The following KLHL14 variants were observed in gnomAD, a reference collection of about 807,000 sequenced individuals.
KLHL14 encodes kelch like family member 14, also known as kelch-like protein 14.
Under a neutral mutation model 64.3 loss-of-function variants are expected in KLHL14, and 22 were observed. The observed-to-expected ratio is 0.34, with a 90% CI of 0.24 to 0.49. The LOEUF is 0.49. Among genes scored for constraint, KLHL14 ranks in the 20% least tolerant of loss-of-function variants. The pLI is 0.99. For missense variants in KLHL14, 661 were observed against 789.0 expected, an observed-to-expected ratio of 0.84 and a Z score of 1.94; for synonymous variants, 322 against 333.4, an observed-to-expected ratio of 0.97 and a Z score of 0.37.
chr18:32,752,402 A>G (rs997922675), intron 2 of KLHL14, among the ~76,000 whole-genome samples: 9 of 152,216 alleles, frequency 5.9e-5, no homozygotes, highest in Admixed American at 5.9e-4. Context: ...AAGGACATTC[A>G]TATCAACCAA....
At chr18:32,729,368 A>G (rs1001714999) in intron 3 of KLHL14, among the ~76,000 whole-genome samples, 10 of 152,190 alleles carry the variant, frequency 6.6e-5, no homozygotes, top group Non-Finnish European at 1.3e-4. Flanking sequence ...TGAGTTTCTC[A>G]GTTATACGAG....
rs368136032 is a variant in KLHL14, at chr18:32,735,060, T to C, written c.1069+6868A>G. On this transcript the variant is annotated intron_variant, in intron 3 of 8. Coordinates refer to ENST00000359358, the MANE Select transcript of KLHL14 (RefSeq NM_020805.3). The stretch of plus-strand genomic sequence containing the variant: ...CAATTTAGTCCATAAACCAAGATTA[T>C]ATTATTGACCTCTAAGAGTAGGTTA... 2.6e-5 allele frequency among the ~76,000 whole-genome samples: 4 copies of C among 152,252 alleles called. No homozygotes were observed. In the East Asian group the frequency reaches 7.7e-4, roughly 29 times the overall value.
chr18:32,708,180 A>T (rs1162005454), intron 3 of KLHL14, among the ~76,000 whole-genome samples: 1 of 152,144 alleles, frequency 6.6e-6, no homozygotes, highest in Non-Finnish European at 1.5e-5. Flanking sequence ...TGGGCTCCTG[A>T]GGAACACTTT....
intron 3 of KLHL14, among the ~76,000 whole-genome samples, chr18:32,741,334 C>T (rs992897266): frequency 2.0e-5 from 3 of 152,142 alleles, no homozygotes; most frequent in East Asian, 3.8e-4. Flanking sequence ...AAAACACAAT[C>T]GCCCTTTAGG....
intron 3 of KLHL14, among the ~76,000 whole-genome samples, chr18:32,697,362 C>T (rs1441890755): frequency 1.3e-5 from 2 of 152,194 alleles, no homozygotes; most frequent in African/African-American, 4.8e-5. Context: ...CCTGGTGCTA[C>T]TCCAGTTGAT....
chr18:32,685,944 A>G (rs181782942), intron 5 of KLHL14, among the ~76,000 whole-genome samples: 364 of 152,178 alleles, frequency 2.4e-3, no homozygotes, highest in Non-Finnish European at 4.2e-3. Flanking sequence ...AAAGAGAGAT[A>G]TTCAGGTGAG....
At chr18:32,738,600 T>A (rs1176860597) in intron 3 of KLHL14, 1 of 152,200 alleles carries the variant, frequency 6.6e-6, no homozygotes, top group Non-Finnish European at 1.5e-5. Flanking sequence ...GCTTTTCTTA[T>A]AATCAGTTTT....
chr18:32,766,477 A>G (rs2050345813), intron 2 of KLHL14, among the ~76,000 whole-genome samples: 1 of 151,980 alleles, frequency 6.6e-6, no homozygotes, highest in African/African-American at 2.4e-5. Context: ...TCACCTCTTT[A>G]TCATTTCTTT....
At position 32,770,388 on chromosome 18, in the gene KLHL14, G is replaced by T; in HGVS notation, c.204C>A (p.Leu68=). The T allele has an allele frequency of 6.3e-7, 1 of 1,594,848 alleles. No individual in the cohort carries two copies. The highest frequency in any genetic ancestry group is 8.6e-7 in the Non-Finnish European group (1 of 1,169,516). The change falls in exon 2 of 9, where the codon CTC becomes CTA. Residue 68 remains leucine, a synonymous_variant. Coordinates refer to ENST00000359358, the MANE Select transcript of KLHL14 (RefSeq NM_020805.3). This position sits in a 1 kb window ranked among gnomAD's most constrained non-coding sequence, Gnocchi z 6.7. ...CGTCCTGGCCGCCGACCCCTCCCCC[G>T]AGAGGGGGGTGGCTGGAGAAGAGCG... is the stretch of plus-strand genomic sequence containing the variant. ...FRSLFSSHPP[L]GGGVGGQDGL...
In KLHL14 at chr18:32,770,653, G is replaced by A; in HGVS notation, c.-43-19C>T. 1.7e-6 allele frequency: 2 copies of A among 1,165,922 alleles called. No individual in the cohort carries two copies. Among genetic ancestry groups the A allele is most frequent in the African/African-American group, 1.6e-5 (1 of 63,070 alleles). 72.2% of individuals were successfully genotyped at this position (1,165,922 alleles called of 1,614,324 possible). A position where few individuals can be genotyped will look rare whatever the true frequency, so the allele number is the denominator to read the frequency against. On this transcript the variant is annotated intron_variant, in intron 1 of 8. Transcript: ENST00000359358. The surrounding 1 kb of genome is among the most constrained non-coding windows in gnomAD (Gnocchi z 6.7). ...CTCCAACCTGGCAGACAGGGGTGGG[G>A]GATGGGAGGGAGGGGAGCAGGGTGG...
chr18:32,680,164 A>G lies in KLHL14; in HGVS notation c.1588+5T>C. The stretch of plus-strand genomic sequence containing the variant: ...GACTAAAAAACAAAACAACAAAAAA[A>G]AGACCTTTCAAATGATTTCCTCCAA... On this transcript the variant is annotated splice_donor_5th_base_variant and intron_variant, in intron 7 of 8. Transcript: ENST00000359358. The surrounding 1 kb of genome is among the most constrained non-coding windows in gnomAD (Gnocchi z 4.8). 6.2e-7 allele frequency: 1 copy of G among 1,612,652 alleles called. No homozygotes were observed. Among genetic ancestry groups the G allele is most frequent in the South Asian group, 1.1e-5 (1 of 91,034 alleles).
intron 3 of KLHL14, among the ~76,000 whole-genome samples, chr18:32,701,568 A>G (rs1405484083): frequency 6.6e-6 from 1 of 152,206 alleles, no homozygotes; most frequent in African/African-American, 2.4e-5. Flanking sequence ...CAGAATAAGC[A>G]TGGTGGATTT....
At chr18:32,678,953 A>C (rs1193629190) in intron 7 of KLHL14, among the ~76,000 whole-genome samples, 1 of 152,204 alleles carries the variant, frequency 6.6e-6, no homozygotes, top group Non-Finnish European at 1.5e-5. Context: ...AAATGCAAAG[A>C]AATCACATTT....
In KLHL14 at chr18:32,770,977, G is replaced by A; in HGVS notation, c.-43-343C>T. 7.0e-6 allele frequency: 3 copies of A among 430,164 alleles called. No homozygotes were observed. The highest frequency in any genetic ancestry group is 9.3e-5 in the East Asian group (1 of 10,732). 26.6% of individuals were successfully genotyped at this position (430,164 alleles called of 1,614,324 possible). On this transcript the variant is annotated intron_variant, in intron 1 of 8. Coordinates refer to ENST00000359358, the MANE Select transcript of KLHL14 (RefSeq NM_020805.3). The surrounding 1 kb of genome is among the most constrained non-coding windows in gnomAD (Gnocchi z 6.7). ...AGCAACAGCAGTGGCAGCAGCGACG[G>A]CAAAGTGGCGGCTGAGGCCGAGGCA...
chr18:32,698,842 C>T (rs1384196071), intron 3 of KLHL14, among the ~76,000 whole-genome samples: 1 of 152,100 alleles, frequency 6.6e-6, no homozygotes, highest in Non-Finnish European at 1.5e-5. Flanking sequence ...CGTTCCACTC[C>T]AAACACCCAA....
In KLHL14 at chr18:32,769,800, G is replaced by A. The variant is rs758386114; in HGVS notation, c.792C>T (p.Leu264=). The change falls in exon 2 of 9, where the codon CTC becomes CTT. Residue 264 remains leucine (L), a synonymous_variant. Transcript: ENST00000359358. Reference sequence around the variant, plus strand: ...CCGGGGCCGGGATGAGGGCGAAGCGGAGGCGCTTCATGAGGTCAGGCGCAT... The same window carrying A: ...CCGGGGCCGGGATGAGGGCGAAGCGAAGGCGCTTCATGAGGTCAGGCGCAT... The part of the protein sequence containing the change: ...MQYAPDLMKR[L]RFALIPAPEL... The A allele has an allele frequency of 1.2e-6, 2 of 1,611,596 alleles. No individual in the cohort carries two copies. The highest frequency in any genetic ancestry group is 1.7e-5 in the Admixed American group (1 of 59,976).
intron 3 of KLHL14, among the ~76,000 whole-genome samples, chr18:32,726,562 T>C (rs1192754003): frequency 6.6e-6 from 1 of 151,756 alleles, no homozygotes; most frequent in Non-Finnish European, 1.5e-5. Flanking sequence ...AGGCAGAGGT[T>C]GCAGTGAGCC....
chr18:32,739,816 G>A (rs1159039065), intron 3 of KLHL14, among the ~76,000 whole-genome samples: 1 of 152,146 alleles, frequency 6.6e-6, no homozygotes, highest in African/African-American at 2.4e-5. Context: ...GTGGATTGAA[G>A]TGGTATGTCT....
intron 5 of KLHL14, among the ~76,000 whole-genome samples, chr18:32,682,098 A>G (rs970466617): frequency 1.3e-5 from 2 of 152,226 alleles, no homozygotes; most frequent in African/African-American, 4.8e-5. Flanking sequence ...TTGACCATGA[A>G]GATGTTTGCA....
Sources: gnomAD v4.1 joint callset for allele counts (sites outside exome capture counted in the v4.1 genomes callset) on GRCh38, gnomAD v4.1.1 for gene constraint, Gnocchi (gnomAD v3.1) non-coding constraint, MANE v1.5 for transcripts, NCBI Gene and HGNC (gene_info 2026-07-23, HGNC 2026-07-21) for gene names.